GALNTL6: variants seen among roughly 807,000 people sequenced by gnomAD.
GALNTL6 encodes the protein polypeptide N-acetylgalactosaminyltransferase-like 6.
GALNTL6 carries 46 observed loss-of-function variants against 73.7 expected under a neutral mutation model. That is an observed-to-expected ratio of 0.62 (90% confidence interval 0.49 to 0.80). The LOEUF is 0.80. GALNTL6 is among the 30% of genes least tolerant of loss of function. The pLI, the probability that GALNTL6 is intolerant of heterozygous loss-of-function variation, is 0.00. For synonymous variants in GALNTL6, 259 were observed against 263.7 expected (o/e 0.98, Z 0.17); for missense variants, 604 against 755.0 (o/e 0.80, Z 2.34).
intron 2 of GALNTL6, among the ~76,000 whole-genome samples, chr4:172,211,713 T>G (rs1428738355): frequency 6.6e-6 from 1 of 152,178 alleles, no homozygotes; most frequent in East Asian, 1.9e-4. Context: ...TTTCTCATAT[T>G]CTATGGGACC....
chr4:172,506,421 G>T lies in GALNTL6; in HGVS notation c.553+157732G>T, dbSNP rs1734386964. Among the ~76,000 whole-genome samples the T allele has an allele frequency of 3.7e-5, 2 of 53,982 alleles. 1 individual carries two copies. The highest frequency in any genetic ancestry group is 9.3e-5 in the African/African-American group (2 of 21,488). The allele number at this position is 53,982 out of a possible 152,430, so 35.4% of individuals were successfully genotyped here. ...TTATCAACACCCTCAGCTGTCCTAC[G>T]ATCATTAAACTCTTTCTCTGCTGAA... On this transcript the variant is annotated intron_variant, in intron 5 of 12. Coordinates refer to ENST00000506823, the MANE Select transcript of GALNTL6 (RefSeq NM_001034845.3).
chr4:172,726,981 T>G (rs1372454268), intron 5 of GALNTL6, among the ~76,000 whole-genome samples: 3 of 152,148 alleles, frequency 2.0e-5, no homozygotes, highest in Non-Finnish European at 2.9e-5. Context: ...TATAAGTGAC[T>G]CTCAAAGGCG....
At position 172,082,826 on chromosome 4, in the gene GALNTL6, A is replaced by G. The variant is rs151007515; in HGVS notation, c.139-146830A>G. 4.1e-3 allele frequency among the ~76,000 whole-genome samples: 619 copies of G among 152,300 alleles called. 3 individuals are homozygous for G. The highest frequency in any genetic ancestry group is 0.014 in the African/African-American group (581 of 41,568). ...TGGAATGAAAAATGAGAAAGGAGAC[A>G]TCTATGAGCATTGGTGGTGCTTTAA... On this transcript the variant is annotated intron_variant, in intron 2 of 12. Transcript: ENST00000506823.
At chr4:172,409,213 G>A (rs929003677) in intron 5 of GALNTL6, among the ~76,000 whole-genome samples, 9 of 151,946 alleles carry the variant, frequency 5.9e-5, no homozygotes, top group Admixed American at 5.3e-4. Flanking sequence ...GTTTAAAGCA[G>A]CCAACTGGTG....
chr4:171,892,719 C>A (rs986447785), intron 2 of GALNTL6, among the ~76,000 whole-genome samples: 5 of 151,984 alleles, frequency 3.3e-5, no homozygotes, highest in African/African-American at 1.2e-4. Flanking sequence ...TGACACAACA[C>A]CTGGATAATT....
intron 2 of GALNTL6, among the ~76,000 whole-genome samples, chr4:171,920,020 A>G (rs1027872132): frequency 6.6e-6 from 1 of 152,192 alleles, no homozygotes; most frequent in African/African-American, 2.4e-5. Context: ...ATGTCTAACA[A>G]TGATAGACTG....
At chr4:173,023,040 C>T (rs150107642) in intron 12 of GALNTL6, among the ~76,000 whole-genome samples, 51 of 152,106 alleles carry the variant, frequency 3.4e-4, no homozygotes, top group Admixed American at 3.3e-3. Context: ...CACTCTGAGG[C>T]CAGCCTTGCC....
intron 10 of GALNTL6, among the ~76,000 whole-genome samples, chr4:172,968,992 G>A (rs945390363): frequency 3.9e-5 from 6 of 152,052 alleles, no homozygotes; most frequent in African/African-American, 9.7e-5. Context: ...CTACAAAAGT[G>A]GCTATAAAGA....
At chr4:172,407,927 T>G (rs1268255300) in intron 5 of GALNTL6, among the ~76,000 whole-genome samples, 1 of 152,082 alleles carries the variant, frequency 6.6e-6, no homozygotes, top group Non-Finnish European at 1.5e-5. Flanking sequence ...AACCAAATCT[T>G]TCTTCTAAGA....
intron 5 of GALNTL6, among the ~76,000 whole-genome samples, chr4:172,427,210 A>C (rs1219061208): frequency 6.6e-6 from 1 of 152,138 alleles, no homozygotes; most frequent in Non-Finnish European, 1.5e-5. Context: ...TTTATAAAGG[A>C]AAGAGGTTTA....
At chr4:172,838,132 G>A (rs1056051409) in intron 7 of GALNTL6, among the ~76,000 whole-genome samples, 1 of 152,030 alleles carries the variant, frequency 6.6e-6, no homozygotes, top group African/African-American at 2.4e-5. Context: ...TGAGGGAAGT[G>A]GGGGCAGTTG....
intron 2 of GALNTL6, among the ~76,000 whole-genome samples, chr4:171,975,544 T>C (rs530936673): frequency 6.6e-6 from 1 of 152,052 alleles, no homozygotes; most frequent in African/African-American, 2.4e-5. Flanking sequence ...TAGGCTGAAC[T>C]GGGGCTAGTT....
At chr4:171,855,213 C>T (rs543573014) in intron 2 of GALNTL6, among the ~76,000 whole-genome samples, 44 of 152,130 alleles carry the variant, frequency 2.9e-4, no homozygotes, top group Non-Finnish European at 5.0e-4. Context: ...CATATTCACC[C>T]GTACCGTATC....
intron 9 of GALNTL6, among the ~76,000 whole-genome samples, chr4:172,934,709 T>C (rs941135670): frequency 2.0e-5 from 3 of 152,142 alleles, no homozygotes; most frequent in African/African-American, 7.2e-5. Context: ...GATGCTCATG[T>C]CTAGAGTTGC....
At chr4:172,965,500 G>T (rs549960198) in intron 10 of GALNTL6, among the ~76,000 whole-genome samples, 1 of 151,838 alleles carries the variant, frequency 6.6e-6, no homozygotes, top group Non-Finnish European at 1.5e-5. Flanking sequence ...GGAGAATGGC[G>T]TGAACCCAGG....
intron 2 of GALNTL6, among the ~76,000 whole-genome samples, chr4:172,221,332 G>A (rs564002090): frequency 7.3e-5 from 11 of 151,616 alleles, no homozygotes; most frequent in African/African-American, 2.2e-4. Flanking sequence ...TTTCCTTGAC[G>A]AATTGATAGG....
At chr4:172,634,897 A>T (rs1023296199) in intron 5 of GALNTL6, among the ~76,000 whole-genome samples, 5 of 152,196 alleles carry the variant, frequency 3.3e-5, no homozygotes, top group Admixed American at 6.5e-5. Context: ...AAGGCACTAA[A>T]AGAAAATATC....
chr4:172,551,892 C>A (rs1349408362), intron 5 of GALNTL6, among the ~76,000 whole-genome samples: 1 of 152,076 alleles, frequency 6.6e-6, no homozygotes, highest in Non-Finnish European at 1.5e-5. Context: ...GTACTCAATT[C>A]ATGCAAGAAT....
Position 172,397,980 on chromosome 4 carries a change from G to A in GALNTL6, c.553+49291G>A, listed in dbSNP as rs561690518. Among the ~76,000 whole-genome samples, 3 of 151,884 alleles carry A rather than the reference G, an allele frequency of 2.0e-5. No individual in the cohort carries two copies. The South Asian group carries it at 6.2e-4, about 32-fold the overall frequency. On this transcript the variant is annotated intron_variant, in intron 5 of 12. Transcript: ENST00000506823. ...TTTTGGATTCTTCTGTCCTTCTTTG[G>A]ATTCTTTATTATTCTTAACTCTTTC...
Sources: allele counts gnomAD v4.1 joint callset (sites outside exome capture counted in the v4.1 genomes callset), GRCh38; gene constraint gnomAD v4.1.1; transcripts MANE v1.5; gene names NCBI Gene and HGNC (gene_info 2026-07-23, HGNC 2026-07-21).